KIF7: variants seen among roughly 807,000 people sequenced by gnomAD.
KIF7 encodes the protein kinesin family member 7.
A neutral mutation model predicts 135.7 loss-of-function variants in KIF7; 104 were observed. The ratio of observed to expected loss-of-function variants is 0.77; its 90% CI spans 0.65 to 0.90. The LOEUF (loss-of-function observed/expected upper bound fraction) is 0.90. Among genes scored for constraint, KIF7 ranks in the 40% least tolerant of loss-of-function variants. The pLI is 0.00. For synonymous variants in KIF7, 883 were observed against 809.4 expected (o/e 1.09, Z -1.54); for missense variants, 2,005 against 1,839.1 (o/e 1.09, Z -1.65).
intron 11 of KIF7, among the ~76,000 whole-genome samples, chr15:89,639,743 A>G (rs1963882376): frequency 6.7e-6 from 1 of 149,846 alleles, no homozygotes; most frequent in African/African-American, 2.5e-5. Flanking sequence ...GCAATTCCTC[A>G]GGGATCTAGA....
At chr15:89,643,731 A>G (rs529209332) in intron 10 of KIF7, among the ~76,000 whole-genome samples, 2 of 152,282 alleles carry the variant, frequency 1.3e-5, no homozygotes, top group South Asian at 4.1e-4. Flanking sequence ...CTAAAAATAC[A>G]AAAATTAGCT....
At chr15:89,617,423 A>G (rs1198313538) in intron 2 of KIF7, among the ~76,000 whole-genome samples, 2 of 152,184 alleles carry the variant, frequency 1.3e-5, no homozygotes, top group Non-Finnish European at 2.9e-5. Context: ...TGATAGTCTG[A>G]TAGTTTGGTA....
chr15:89,648,878 G>C, intron 4 of KIF7, 96 bp downstream of exon 4: 1 of 1,460,008 alleles, frequency 6.8e-7, no homozygotes, highest in Non-Finnish European at 9.0e-7. Context: ...GTGGGCTGGA[G>C]ACCTCAGGGG....
chr15:89,624,827 T>C, downstream of KIF7: 1 of 1,614,158 alleles, frequency 6.2e-7, no homozygotes, highest in Non-Finnish European at 8.5e-7. Context: ...CACCCTGGGA[T>C]TCCCCCATCT....
chr15:89,631,266 G>A (rs928453588), intron 15 of KIF7, among the ~76,000 whole-genome samples: 17 of 152,242 alleles, frequency 1.1e-4, no homozygotes, highest in Admixed American at 5.2e-4. Context: ...CCAGAAGAGA[G>A]CTGAGAGGTC....
At chr15:89,624,307 C>A (rs145409221), downstream of KIF7, 4 of 1,614,214 alleles carry the variant, frequency 2.5e-6, no homozygotes, top group African/African-American at 1.3e-5. Flanking sequence ...AATAGAGTGT[C>A]CTTCCCCAGG....
chr15:89,628,456 C>T lies in KIF7; in HGVS notation c.3995G>A (p.Ser1332Asn), dbSNP rs1963582319. Residue 1332 changes from serine (S) to asparagine (N), a missense_variant, in exon 19 of 19, where the codon AGC becomes AAC. By Grantham distance (46) the Ser-to-Asn change is conservative. Transcript: ENST00000394412. ...SKPRRELRRA[S>N]PGMIDVRKNP... ...TTTCCGGACATCAATCATCCCCGGG[C>T]TGGCTCGTCGCAGTTCCCGCCGGGG... The T allele has an allele frequency of 1.2e-6, 2 of 1,608,930 alleles. No homozygotes were observed. The highest frequency in any genetic ancestry group is 1.7e-6 in the Non-Finnish European group (2 of 1,177,258).
chr15:89,645,881 G>T lies in KIF7; in HGVS notation c.1922+12C>A. 1.2e-6 allele frequency: 2 copies of T among 1,612,558 alleles called. No individual in the cohort carries two copies. The highest frequency in any genetic ancestry group is 1.7e-6 in the Non-Finnish European group (2 of 1,179,618). On this transcript the variant is annotated intron_variant, in intron 8 of 18. Coordinates refer to ENST00000394412, the MANE Select transcript of KIF7 (RefSeq NM_198525.3). Reference sequence around the variant, plus strand: ...AGGTCCTTGTCAGGTGGGGGCAGTGGGTCCCACTCACCTGCGCAGGTGTAA... The same window carrying T: ...AGGTCCTTGTCAGGTGGGGGCAGTGTGTCCCACTCACCTGCGCAGGTGTAA...
the KIF7 span, among the ~76,000 whole-genome samples, chr15:89,660,756 C>T: frequency 6.6e-6 from 1 of 152,296 alleles, no homozygotes; most frequent in African/African-American, 2.4e-5. Context: ...TTCCCTGTCC[C>T]ATTGATGTGG....
intron 11 of KIF7, among the ~76,000 whole-genome samples, chr15:89,635,036 C>T (rs915736383): frequency 6.6e-6 from 1 of 152,182 alleles, no homozygotes; most frequent in Non-Finnish European, 1.5e-5. Context: ...TCCGAGCAGC[C>T]TAACTGGGAG....
At chr15:89,627,243 A>G (rs1053360547), downstream of KIF7, 17 of 829,416 alleles carry the variant, frequency 2.0e-5, no homozygotes, top group African/African-American at 2.2e-4. Flanking sequence ...TATGGATCCA[A>G]TCCATCTCCT....
chr15:89,653,193 A>G lies in KIF7; in HGVS notation c.-24-239T>C, dbSNP rs78768312. On this transcript the variant is annotated intron_variant, in intron 1 of 18. Coordinates refer to ENST00000394412, the MANE Select transcript of KIF7 (RefSeq NM_198525.3). Reference sequence around the variant, plus strand: ...TCCGGCACTGGCGAAATGAGGCCCTAACTCCTGAACTCCAGTGTTTCAGCT... The same window carrying G: ...TCCGGCACTGGCGAAATGAGGCCCTGACTCCTGAACTCCAGTGTTTCAGCT... 0.021 allele frequency among the ~76,000 whole-genome samples: 3,135 copies of G among 152,252 alleles called. 118 individuals carry two copies. Among genetic ancestry groups the G allele is most frequent in the African/African-American group, 0.071 (2,962 of 41,528 alleles).
At chr15:89,620,465 C>A (rs951286233) in intron 1 of KIF7, among the ~76,000 whole-genome samples, 1 of 152,128 alleles carries the variant, frequency 6.6e-6, no homozygotes, top group African/African-American at 2.4e-5. Flanking sequence ...GCCTCGGCCT[C>A]CCAAAGTGCT....
Position 89,645,018 on chromosome 15 carries a change from C to A in KIF7, c.2186G>T (p.Arg729Leu). Residue 729 changes from arginine to leucine, a missense_variant, in exon 10 of 19, where the codon CGC (arginine) becomes CTC (leucine). Arg to Leu is a moderately radical substitution (Grantham distance 102). Coordinates refer to ENST00000394412, the MANE Select transcript of KIF7 (RefSeq NM_198525.3). ...MKEELIGELV[R>L]TGKAAQALNR... ...ACCTGATGCCCACGCCTCACCTGTG[C>A]GGACCAGCTCGCCAATAAGCTCCTC... The A allele has an allele frequency of 6.2e-7, 1 of 1,607,996 alleles. No individual in the cohort carries two copies. Among genetic ancestry groups the A allele is most frequent in the South Asian group, 1.1e-5 (1 of 91,082 alleles).
At chr15:89,624,598 TCTC>T (rs768635675), downstream of KIF7, 59 of 1,613,896 alleles carry the variant, frequency 3.7e-5, no homozygotes, top group Admixed American at 1.7e-4. Flanking sequence ...ACTGAGCCTC[TCTC>T]CTCAGTCTCC....
chr15:89,628,577 C>T lies in KIF7; in HGVS notation c.3874G>A (p.Glu1292Lys), dbSNP rs1044478234. 4 of 1,613,550 alleles carry T rather than the reference C, an allele frequency of 2.5e-6. No individual in the cohort carries two copies. Among genetic ancestry groups the T allele is most frequent in the Admixed American group, 3.3e-5 (2 of 60,030 alleles). ...LCGEEQGSPE[E>K]LRQREAAEPL... ...TCAGCCGCCTCCCGCTGCCTCAGTT[C>T]CTCGGGGGACCCCTGCTCCTCACCA... The change falls in exon 19 of 19, where the codon GAA (glutamate) becomes AAA (lysine). Residue 1292 changes from glutamate to lysine, a missense_variant. Transcript: ENST00000394412.
chr15:89,648,143 C>T, intron 5 of KIF7, 112 bp downstream of exon 5: 1 of 1,348,556 alleles, frequency 7.4e-7, no homozygotes, highest in Non-Finnish European at 9.5e-7. Flanking sequence ...CCCGAACGTG[C>T]CCTGCTAATG....
intron 1 of KIF7, chr15:89,619,895 T>C: frequency 6.5e-7 from 1 of 1,546,112 alleles, no homozygotes; most frequent in Non-Finnish European, 8.7e-7. Context: ...TGGTGAGAAG[T>C]GTTTTTGGGA....
chr15:89,632,369 G>T (rs113662809), intron 14 of KIF7, among the ~76,000 whole-genome samples: 2 of 152,184 alleles, frequency 1.3e-5, no homozygotes. Flanking sequence ...GATGCCAGGC[G>T]GAGAAGTCTC....
Sources: gnomAD v4.1 joint callset for allele counts (sites outside exome capture counted in the v4.1 genomes callset) on GRCh38, gnomAD v4.1.1 for gene constraint, MANE v1.5 for transcripts, NCBI Gene and HGNC (gene_info 2026-07-23, HGNC 2026-07-21) for gene names.